Variants in ADGRV1 observed in about 807,000 individuals in gnomAD.
ADGRV1 encodes adhesion G protein-coupled receptor V1, also known as G-protein coupled receptor 98.
ADGRV1 carries 359 observed loss-of-function variants against 596.2 expected under a neutral mutation model. The observed-to-expected ratio is 0.60, with a 90% CI of 0.55 to 0.66. ADGRV1 has a LOEUF of 0.66. ADGRV1 is among the 30% of genes least tolerant of loss of function. The probability of loss-of-function intolerance (pLI) is 0.00; values close to 1 mark genes in which losing one functional copy is unlikely to be tolerated. For synonymous variants in ADGRV1, 2,681 were observed against 2,679.2 expected (o/e 1.00, Z -0.02); for missense variants, 7,274 against 7,575.6 (o/e 0.96, Z 1.48).
intron 15 of ADGRV1, 23 bp from the exon 16 acceptor site, chr5:90,645,945 A>G: frequency 6.4e-7 from 1 of 1,564,906 alleles, no homozygotes; most frequent in Non-Finnish European, 8.7e-7. Context: ...CACCTGACTT[A>G]AAACGTGTAA....
At chr5:90,733,522 T>C (rs1474660907) in intron 50 of ADGRV1, among the ~76,000 whole-genome samples, 1 of 152,194 alleles carries the variant, frequency 6.6e-6, no homozygotes, top group Non-Finnish European at 1.5e-5. Flanking sequence ...GAGTCAGTAT[T>C]TGGAATTTTT....
At chr5:90,737,131 A>G (rs1390149657) in intron 50 of ADGRV1, among the ~76,000 whole-genome samples, 1 of 151,814 alleles carries the variant, frequency 6.6e-6, no homozygotes, top group South Asian at 2.1e-4. Context: ...GCTGCATACC[A>G]TACATTTTAG....
intron 75 of ADGRV1, among the ~76,000 whole-genome samples, chr5:90,817,908 G>C (rs984365146): frequency 6.6e-6 from 1 of 152,112 alleles, no homozygotes; most frequent in Admixed American, 6.5e-5. Flanking sequence ...CTCTTTTTTG[G>C]TTCCATACAA....
At chr5:90,968,300 A>T (rs17570760) in intron 84 of ADGRV1, among the ~76,000 whole-genome samples, 1 of 152,078 alleles carries the variant, frequency 6.6e-6, no homozygotes, top group Admixed American at 6.5e-5. Context: ...TCACTGAAAT[A>T]TATGGAGAGG....
chr5:90,805,380 G>C lies in ADGRV1; in HGVS notation c.14758G>C (p.Val4920Leu). Residue 4920 changes from valine (V) to leucine (L), a missense_variant, in exon 72 of 90, where the codon GTT becomes CTT. Physicochemically the swap from Val to Leu is conservative, Grantham distance 32. This residue lies in a region of ADGRV1 where 1,874 missense variants were observed against 1,970.2 expected (regional missense o/e 0.95). Coordinates refer to ENST00000405460, the MANE Select transcript of ADGRV1 (RefSeq NM_032119.4). ...GAGAGGCACATATGGAGCTCTCTCG[G>C]TTGCCTGGACCACTGGATATGCTCC... is the stretch of plus-strand genomic sequence containing the variant. ...SRRGTYGALS[V>L]AWTTGYAPGL... The C allele has an allele frequency of 6.2e-7, 1 of 1,611,392 alleles. No homozygotes were observed. Among genetic ancestry groups the C allele is most frequent in the Non-Finnish European group, 8.5e-7 (1 of 1,177,880 alleles).
chr5:91,047,641 C>T (rs1785949539), intron 85 of ADGRV1, among the ~76,000 whole-genome samples: 1 of 152,140 alleles, frequency 6.6e-6, no homozygotes, highest in Non-Finnish European at 1.5e-5. Context: ...TGTTGATCTC[C>T]TTTGGCAACA....
intron 1 of ADGRV1, among the ~76,000 whole-genome samples, chr5:90,570,169 A>C (rs746285403): frequency 1.3e-5 from 2 of 152,126 alleles, no homozygotes; most frequent in Non-Finnish European, 2.9e-5. Context: ...TTATCCAGGA[A>C]AGTCTTAATT....
At chr5:90,779,125 G>T (rs1758579686) in intron 64 of ADGRV1, 28 bp downstream of exon 64, 2 of 1,359,018 alleles carry the variant, frequency 1.5e-6, no homozygotes, top group East Asian at 4.6e-5. Context: ...TTAGGAAAAA[G>T]AAAGCAAAGA....
chr5:90,653,504 C>A lies in ADGRV1; in HGVS notation c.3930C>A (p.Thr1310=). The change falls in exon 20 of 90, where the codon ACC becomes ACA. Residue 1310 remains threonine (T), a synonymous_variant. Transcript: ENST00000405460. ...TTTTACTGGTTGGAATTTTCCCCAC[C>A]ACCGTGCATTTACAACAGCACATGC... The part of the protein sequence containing the change: ...IDFLLVGIFP[T]TVHLQQHMRR... 1 of 1,613,910 alleles carries A rather than the reference C, an allele frequency of 6.2e-7. No individual in the cohort carries two copies. Among genetic ancestry groups the A allele is most frequent in the Non-Finnish European group, 8.5e-7 (1 of 1,179,870 alleles).
intron 83 of ADGRV1, among the ~76,000 whole-genome samples, chr5:90,894,049 T>A (rs1027224669): frequency 8.5e-5 from 13 of 152,148 alleles, no homozygotes; most frequent in African/African-American, 2.9e-4. Flanking sequence ...TAATAAAGAC[T>A]CAAAATATTA....
intron 71 of ADGRV1, among the ~76,000 whole-genome samples, chr5:90,804,523 C>G (rs1192805155): frequency 6.6e-6 from 1 of 152,184 alleles, no homozygotes; most frequent in African/African-American, 2.4e-5. Context: ...GCGGAACCCT[C>G]TCATGTTTTT....
intron 83 of ADGRV1, among the ~76,000 whole-genome samples, chr5:90,930,101 AT>A (rs1440922622): frequency 1.3e-5 from 2 of 152,198 alleles, no homozygotes; most frequent in Admixed American, 6.5e-5. Flanking sequence ...TTTTTAAAAA[AT>A]ATATGATTTG....
intron 59 of ADGRV1, among the ~76,000 whole-genome samples, chr5:90,766,534 A>T (rs1757165746): frequency 6.6e-6 from 1 of 152,208 alleles, no homozygotes; most frequent in African/African-American, 2.4e-5. Context: ...TTTGAAAAAA[A>T]ATTAAGGAAG....
chr5:91,163,632 T>C (rs918599205), intron 89 of ADGRV1, 150 bp from the exon 90 acceptor site: 1 of 468,450 alleles, frequency 2.1e-6, no homozygotes, highest in African/African-American at 1.9e-5. Flanking sequence ...TTCATAATTG[T>C]TAGGTATTAA....
intron 58 of ADGRV1, chr5:90,762,597 T>A (rs2150011328): frequency 6.6e-6 from 1 of 152,308 alleles, no homozygotes; most frequent in African/African-American, 2.4e-5. Context: ...TTATACTAGA[T>A]CTGTTAATAA....
At chr5:90,779,217 T>C (rs2150082917) in intron 64 of ADGRV1, 120 bp downstream of exon 64, 1 of 586,032 alleles carries the variant, frequency 1.7e-6, no homozygotes, top group African/African-American at 1.9e-5. Context: ...CTTTCTCAGA[T>C]TTGTGTGACA....
intron 48 of ADGRV1, 146 bp downstream of exon 48, chr5:90,725,802 A>G: frequency 5.4e-6 from 3 of 555,866 alleles, no homozygotes; most frequent in East Asian, 3.2e-5. Context: ...AAGACTGGTT[A>G]GTTAAAAGTT....
intron 80 of ADGRV1, 94 bp from the exon 81 acceptor site, chr5:90,853,968 G>T: frequency 1.2e-6 from 1 of 847,090 alleles, no homozygotes; most frequent in Non-Finnish European, 1.9e-6. Context: ...AATGACTGTA[G>T]CTACTAGAAA....
intron 86 of ADGRV1, among the ~76,000 whole-genome samples, chr5:91,095,253 G>A (rs780109799): frequency 2.6e-5 from 4 of 151,932 alleles, no homozygotes; most frequent in Non-Finnish European, 5.9e-5. Flanking sequence ...CCAGGCTGGA[G>A]TGCAGTGGCA....
Sources: gnomAD v4.1 joint callset for allele counts (sites outside exome capture counted in the v4.1 genomes callset) on GRCh38, gnomAD v4.1.1 for gene constraint, gnomAD v4.1.1 regional missense constraint, MANE v1.5 for transcripts, NCBI Gene and HGNC (gene_info 2026-07-23, HGNC 2026-07-21) for gene names.